Variants in SPNS3 observed in about 807,000 individuals in gnomAD.
SPNS3 encodes SPNS lysolipid transporter 3, sphingosine-1-phosphate (putative).
A neutral mutation model predicts 54.4 loss-of-function variants in SPNS3; 51 were observed. The observed-to-expected ratio is 0.94, with a 90% CI of 0.75 to 1.18. SPNS3 has a LOEUF of 1.18. Ranked by LOEUF, SPNS3 falls within the 50% of genes most tolerant of loss-of-function variation. The pLI, the probability that SPNS3 is intolerant of heterozygous loss-of-function variation, is 0.00. For missense variants in SPNS3, 669 were observed against 677.4 expected (o/e 0.99, Z 0.14); for synonymous variants, 309 against 294.7 (o/e 1.05, Z -0.50).
intron 8 of SPNS3, among the ~76,000 whole-genome samples, chr17:4,458,800 G>T (rs537994803): frequency 1.3e-5 from 2 of 151,452 alleles, no homozygotes; most frequent in South Asian, 2.1e-4. Context: ...ATTCAGGCAT[G>T]TGTCACTGTG....
intron 2 of SPNS3, among the ~76,000 whole-genome samples, chr17:4,442,286 C>G (rs1356647195): frequency 1.3e-5 from 2 of 150,870 alleles, no homozygotes; most frequent in Non-Finnish European, 2.9e-5. Context: ...GCCTGTAATC[C>G]CAGCACTTTG....
chr17:4,439,060 C>T (rs774223275), intron 1 of SPNS3, among the ~76,000 whole-genome samples: 19 of 151,386 alleles, frequency 1.3e-4, no homozygotes, highest in Non-Finnish European at 2.4e-4. Context: ...CGTGTGGCTG[C>T]GTGCTTATGT....
At position 4,463,396 on chromosome 17, in the gene SPNS3, C is replaced by CAAA. The variant is rs368770425; in HGVS notation, c.1113+10204_1113+10206dup. 9.2e-3 allele frequency among the ~76,000 whole-genome samples: 1,126 copies of CAAA among 121,944 alleles called. 12 individuals are homozygous for CAAA. Among genetic ancestry groups the CAAA allele is most frequent in the African/African-American group, 0.028 (934 of 33,006 alleles). The allele number at this position is 121,944 out of a possible 152,430, so 80.0% of individuals were successfully genotyped here. ...TGGGCAACAAAGCAAGACTCTGTCT[C>CAAA]AAAAAAAAAAAAAAACAAAACAAAA... On this transcript the variant is annotated intron_variant, in intron 8 of 11. Transcript: ENST00000355530.
At chr17:4,484,156 T>C (rs568748616) in intron 9 of SPNS3, among the ~76,000 whole-genome samples, 1 of 152,330 alleles carries the variant, frequency 6.6e-6, no homozygotes, top group South Asian at 2.1e-4. Context: ...CTCTCAGCCC[T>C]GTTATTTCAG....
intron 8 of SPNS3, among the ~76,000 whole-genome samples, chr17:4,475,842 C>T (rs951881858): frequency 6.6e-6 from 1 of 152,296 alleles, no homozygotes; most frequent in South Asian, 2.1e-4. Context: ...TTGTGGAGCC[C>T]GGGTTTGAAC....
At chr17:4,434,646 A>G (rs190834298) in intron 1 of SPNS3, among the ~76,000 whole-genome samples, 18,019 of 150,612 alleles carry the variant, frequency 0.12, 1,396 homozygotes, top group Non-Finnish European at 0.18. Flanking sequence ...ACAGGCGTGC[A>G]CCACCACATC....
chr17:4,465,381 C>G (rs920150378), intron 8 of SPNS3, among the ~76,000 whole-genome samples: 2 of 149,996 alleles, frequency 1.3e-5, no homozygotes, highest in Non-Finnish European at 1.5e-5. Flanking sequence ...TCTCTGCATT[C>G]TATTTTTTTT....
At chr17:4,456,117 A>G (rs533733500) in intron 8 of SPNS3, among the ~76,000 whole-genome samples, 4 of 152,008 alleles carry the variant, frequency 2.6e-5, no homozygotes, top group African/African-American at 9.6e-5. Context: ...ACACCAGGCT[A>G]ATTTTTGTAT....
chr17:4,480,866 C>A (rs1027609727), intron 9 of SPNS3, among the ~76,000 whole-genome samples: 15 of 152,074 alleles, frequency 9.9e-5, no homozygotes, highest in Non-Finnish European at 2.1e-4. Context: ...TCCCTGCCTT[C>A]CCACCTGCCC....
chr17:4,467,607 T>C (rs532098883), intron 8 of SPNS3, among the ~76,000 whole-genome samples: 1 of 152,296 alleles, frequency 6.6e-6, no homozygotes, highest in South Asian at 2.1e-4. Context: ...TTGCAAAGTC[T>C]GTTAAGCACC....
intron 7 of SPNS3, among the ~76,000 whole-genome samples, chr17:4,450,929 C>T (rs975589216): frequency 5.3e-5 from 8 of 151,942 alleles, no homozygotes; most frequent in African/African-American, 1.9e-4. Flanking sequence ...TCCTTAAGGG[C>T]TCTCTTGGCT....
chr17:4,480,668 C>T (rs1174768422), intron 9 of SPNS3, among the ~76,000 whole-genome samples: 3 of 141,782 alleles, frequency 2.1e-5, no homozygotes, highest in East Asian at 2.5e-4. Context: ...CTGGAGAGGG[C>T]GGGTGGGGGA....
intron 2 of SPNS3, among the ~76,000 whole-genome samples, chr17:4,440,560 C>T (rs903126309): frequency 6.6e-6 from 1 of 152,038 alleles, no homozygotes; most frequent in South Asian, 2.1e-4. Context: ...TGTTTTTTTC[C>T]TAAAATGACC....
At chr17:4,448,361 AT>A in intron 6 of SPNS3, 58 bp downstream of exon 6, 1 of 1,420,766 alleles carries the variant, frequency 7.0e-7, no homozygotes, top group Non-Finnish European at 9.3e-7. Context: ...CTGCCCCAGC[AT>A]CATTGACCCC....
At chr17:4,441,590 T>C (rs1970848955) in intron 2 of SPNS3, among the ~76,000 whole-genome samples, 1 of 152,104 alleles carries the variant, frequency 6.6e-6, no homozygotes, top group Non-Finnish European at 1.5e-5. Flanking sequence ...CCTTCACTGG[T>C]TCTTTTTTTT....
At chr17:4,455,638 G>C (rs1971291247) in intron 8 of SPNS3, among the ~76,000 whole-genome samples, 1 of 151,564 alleles carries the variant, frequency 6.6e-6, no homozygotes, top group Non-Finnish European at 1.5e-5. Flanking sequence ...TCTGAGCCCT[G>C]TAGGATGTCG....
intron 2 of SPNS3, among the ~76,000 whole-genome samples, chr17:4,439,942 G>A (rs1970807330): frequency 6.6e-6 from 1 of 152,184 alleles, no homozygotes; most frequent in Admixed American, 6.5e-5. Context: ...CGGGAGAGCA[G>A]GGGGAGGTGG....
chr17:4,487,868 G>T lies in SPNS3; in HGVS notation c.1513G>T (p.Ala505Ser). 2 of 1,614,056 alleles carry T rather than the reference G, an allele frequency of 1.2e-6. No homozygotes were observed. Among genetic ancestry groups the T allele is most frequent in the East Asian group, 4.5e-5 (2 of 44,892 alleles). ...GGAGAGACAAGGCCTACTTTCGGGC[G>T]CTGGCGCCTCTACAGAGGAGCCCTG... Reference protein sequence around the residue: ...DLERQGLLSGAGASTEEP With the variant: ...DLERQGLLSGSGASTEEP The change falls in exon 12 of 12, where the codon GCT (alanine) becomes TCT (serine). Residue 505 changes from alanine (A) to serine (S), a missense_variant. Transcript: ENST00000355530.
intron 1 of SPNS3, among the ~76,000 whole-genome samples, chr17:4,438,167 G>A (rs1465285401): frequency 1.3e-5 from 2 of 152,176 alleles, no homozygotes; most frequent in Non-Finnish European, 2.9e-5. Context: ...TGTGCACGCA[G>A]GGCTTTCTTG....
Sources: gnomAD v4.1 joint callset for allele counts (sites outside exome capture counted in the v4.1 genomes callset) on GRCh38, gnomAD v4.1.1 for gene constraint, MANE v1.5 for transcripts, NCBI Gene and HGNC (gene_info 2026-07-23, HGNC 2026-07-21) for gene names.